The following COP1 variants were observed in gnomAD, a reference collection of about 807,000 sequenced individuals.
COP1 encodes E3 ubiquitin-protein ligase COP1.
In COP1, 24 loss-of-function variants were observed where a neutral mutation model predicts 101.3. The observed-to-expected ratio is 0.24, with a 90% CI of 0.17 to 0.33. The LOEUF (loss-of-function observed/expected upper bound fraction) is 0.33. COP1 is among the 10% of genes least tolerant of loss of function. The pLI is 1.00. For synonymous variants in COP1, 347 were observed against 341.9 expected, an observed-to-expected ratio of 1.01 and a Z score of -0.17; for missense variants, 663 against 906.2, an observed-to-expected ratio of 0.73 and a Z score of 3.45.
At chr1:176,127,506 T>C (rs899582633) in intron 8 of COP1, among the ~76,000 whole-genome samples, 2 of 152,082 alleles carry the variant, frequency 1.3e-5, no homozygotes, top group Admixed American at 6.6e-5. Flanking sequence ...GGTTCATCTG[T>C]GTTGGTGCAA....
At chr1:176,025,448 T>A (rs570445048) in intron 15 of COP1, among the ~76,000 whole-genome samples, 1 of 145,676 alleles carries the variant, frequency 6.9e-6, no homozygotes, top group South Asian at 2.2e-4. Flanking sequence ...ACAAGTTTTG[T>A]CTACATTTAG....
chr1:176,134,231 A>G (rs905106959), intron 8 of COP1, among the ~76,000 whole-genome samples: 1 of 152,054 alleles, frequency 6.6e-6, no homozygotes, highest in Admixed American at 6.6e-5. Flanking sequence ...TTTGTCTGAT[A>G]AGATTCCATT....
In COP1 at chr1:176,175,962, G is replaced by T; in HGVS notation, c.513C>A (p.Pro171=). The change falls in exon 3 of 20, where the codon CCC becomes CCA. Residue 171 remains proline, a synonymous_variant. Coordinates refer to ENST00000367669, the MANE Select transcript of COP1 (RefSeq NM_022457.7). ...HQSLEDNNRC[P]KCNYVVDNID... is the part of the protein sequence containing the mutation. ...TATTGTCCACAACATAGTTACACTT[G>T]GGACATCTATTATTGTCCTCCAAAC... 1 of 1,592,148 alleles carries T rather than the reference G, an allele frequency of 6.3e-7. No individual in the cohort carries two copies. The highest frequency in any genetic ancestry group is 1.1e-5 in the South Asian group (1 of 89,582).
At chr1:175,968,443 A>G (rs777442254) in intron 18 of COP1, 4 of 519,044 alleles carry the variant, frequency 7.7e-6, no homozygotes, top group Middle Eastern at 3.2e-4. Context: ...GTCCTAAGCC[A>G]GACAGAGACC....
Position 176,138,128 on chromosome 1 carries a change from G to GA in COP1, c.832-1582dup, listed in dbSNP as rs574905613. On this transcript the variant is annotated intron_variant, in intron 6 of 19. Coordinates refer to ENST00000367669, the MANE Select transcript of COP1 (RefSeq NM_022457.7). ...AAGACTAACAGAATTCTGCCAAGTG[G>GA]AAAACAGTGAGGCATGACAGAATAA... Among the ~76,000 whole-genome samples the GA allele has an allele frequency of 1.3e-3, 194 of 152,178 alleles. 2 individuals are homozygous for GA. Among genetic ancestry groups the GA allele is most frequent in the African/African-American group, 4.4e-3 (184 of 41,526 alleles).
At chr1:175,993,047 T>G in intron 15 of COP1, among the ~76,000 whole-genome samples, 1 of 152,090 alleles carries the variant, frequency 6.6e-6, no homozygotes, top group African/African-American at 2.4e-5. Flanking sequence ...GAGACAAAAC[T>G]TCCAGAGGAA....
intron 15 of COP1, among the ~76,000 whole-genome samples, chr1:176,002,057 T>C (rs907917407): frequency 7.9e-5 from 12 of 152,126 alleles, no homozygotes; most frequent in Non-Finnish European, 1.8e-4. Context: ...AGTTTCAATA[T>C]GATGAGTTTA....
At chr1:176,160,381 C>T in intron 5 of COP1, 1 of 228,600 alleles carries the variant, frequency 4.4e-6, no homozygotes, top group South Asian at 4.5e-5. Flanking sequence ...ATGACTAAAA[C>T]ATCAAAAGCA....
intron 11 of COP1, among the ~76,000 whole-genome samples, chr1:176,068,843 C>T (rs1676476236): frequency 6.6e-6 from 1 of 152,168 alleles, no homozygotes; most frequent in African/African-American, 2.4e-5. Context: ...AAAATGCCTT[C>T]CCTTTAAACT....
chr1:175,958,036 T>C (rs1345443912), intron 18 of COP1, among the ~76,000 whole-genome samples: 1 of 152,102 alleles, frequency 6.6e-6, no homozygotes, highest in Non-Finnish European at 1.5e-5. Context: ...GGGGACTGAT[T>C]ACAAAGTGAC....
chr1:176,163,101 T>C lies in COP1; in HGVS notation c.643-113A>G, dbSNP rs572192165. 1.7e-5 allele frequency: 18 copies of C among 1,054,472 alleles called. No homozygotes were observed. In the East Asian group the frequency reaches 2.8e-4, roughly 16 times the overall value. 65.3% of individuals were successfully genotyped at this position (1,054,472 alleles called of 1,614,324 possible). The stretch of plus-strand genomic sequence containing the variant: ...ATGCTCATTACATAGATATCGAAAA[T>C]ATATTATAATGTTCCAAACTACCCC... On this transcript the variant is annotated intron_variant, in intron 4 of 19. Transcript: ENST00000367669.
intron 9 of COP1, among the ~76,000 whole-genome samples, chr1:176,104,655 G>C (rs1683999565): frequency 6.6e-6 from 1 of 152,140 alleles, no homozygotes; most frequent in Non-Finnish European, 1.5e-5. Context: ...ACTTTTCAAA[G>C]TCATTCTGTT....
intron 11 of COP1, among the ~76,000 whole-genome samples, chr1:176,065,976 T>C (rs1482038349): frequency 6.6e-6 from 1 of 152,072 alleles, no homozygotes; most frequent in Non-Finnish European, 1.5e-5. Flanking sequence ...AACACCTGCC[T>C]CGGCCTCCCA....
intron 14 of COP1, among the ~76,000 whole-genome samples, chr1:176,036,507 C>CAAA (rs77138527): frequency 1.6e-5 from 2 of 127,328 alleles, no homozygotes; most frequent in African/African-American, 3.1e-5. Context: ...AACAAAAAAA[C>CAAA]AAAAAAAAAA....
At chr1:175,970,880 T>C (rs1653101169) in intron 18 of COP1, among the ~76,000 whole-genome samples, 1 of 152,164 alleles carries the variant, frequency 6.6e-6, no homozygotes, top group Non-Finnish European at 1.5e-5. Flanking sequence ...CTGGGTCAAC[T>C]AAAGGTAACA....
At chr1:176,024,720 G>T (rs1414218002) in intron 15 of COP1, among the ~76,000 whole-genome samples, 1 of 151,962 alleles carries the variant, frequency 6.6e-6, no homozygotes, top group East Asian at 1.9e-4. Flanking sequence ...AATAAAACAA[G>T]AATAAAGAGA....
chr1:175,978,248 AAAGTT>A lies in COP1; in HGVS notation c.2133+8690_2133+8694del, dbSNP rs1248855341. ...TTAAAAAAGGATTTAATGAGGAAGA[AAAGTT>A]AAGAATCATTCTAATGTAGGTCAAA... is the stretch of plus-strand genomic sequence containing the variant. On this transcript the variant is annotated intron_variant, in intron 18 of 19. Transcript: ENST00000367669. Among the ~76,000 whole-genome samples the A allele has an allele frequency of 3.9e-5, 6 of 152,210 alleles. No homozygotes were observed. The South Asian group carries it at 1.2e-3, about 31-fold the overall frequency.
At position 176,176,023 on chromosome 1, in the gene COP1, GA is replaced by G. The variant is rs528629450; in HGVS notation, c.468-17del. 6.0e-4 allele frequency: 712 copies of G among 1,177,630 alleles called. 1 individual carries two copies. The highest frequency in any genetic ancestry group is 2.4e-3 in the African/African-American group (157 of 64,356). 72.9% of individuals were successfully genotyped at this position (1,177,630 alleles called of 1,614,324 possible). Reference sequence around the variant, plus strand: ...ACACTTGTAGCTATTAGTAGGGGGGGAAAAAAAAGGCTTAATTAAATCAATG... The same window carrying G: ...ACACTTGTAGCTATTAGTAGGGGGGGAAAAAAAGGCTTAATTAAATCAATG... On this transcript the variant is annotated splice_polypyrimidine_tract_variant and intron_variant, in intron 2 of 19. Coordinates refer to ENST00000367669, the MANE Select transcript of COP1 (RefSeq NM_022457.7).
intron 11 of COP1, among the ~76,000 whole-genome samples, chr1:176,078,918 A>G (rs1020860074): frequency 6.6e-6 from 1 of 152,200 alleles, no homozygotes; most frequent in African/African-American, 2.4e-5. Context: ...CATCAGAGAA[A>G]TAAAAATCAA....
Sources: gnomAD v4.1 joint callset for allele counts (sites outside exome capture counted in the v4.1 genomes callset) on GRCh38, gnomAD v4.1.1 for gene constraint, MANE v1.5 for transcripts, NCBI Gene and HGNC (gene_info 2026-07-23, HGNC 2026-07-21) for gene names.